Variants in B3GALNT2 observed in about 807,000 individuals in gnomAD.
B3GALNT2 encodes UDP-GalNAc:beta-1,3-N-acetylgalactosaminyltransferase 2.
In B3GALNT2, 53 loss-of-function variants were observed where a neutral mutation model predicts 61.1. That is an observed-to-expected ratio of 0.87 (90% CI 0.70 to 1.09). B3GALNT2 has a LOEUF of 1.09. B3GALNT2 is among the 50% of genes least tolerant of loss of function. The probability of loss-of-function intolerance (pLI) is 0.00; values close to 1 mark genes in which losing one functional copy is unlikely to be tolerated. For missense variants in B3GALNT2, 544 were observed against 623.0 expected (o/e 0.87, Z 1.35); for synonymous variants, 223 against 237.4 (o/e 0.94, Z 0.56).
At position 235,470,888 on chromosome 1, in the gene B3GALNT2, T is replaced by G; in HGVS notation, c.724A>C (p.Thr242Pro). Residue 242 changes from threonine (T) to proline (P), a missense_variant, in exon 6 of 12, where the codon ACA becomes CCA. By Grantham distance (38) the Thr-to-Pro change is conservative. Coordinates refer to ENST00000366600, the MANE Select transcript of B3GALNT2 (RefSeq NM_152490.5). ...GLVSRNLHKV[T>P]VNDGGGVLRV... ...AGAACTCCCCCTCCATCATTCACTG[T>G]CACTTTGTGGAGATTTCTTGACACA... 1 of 1,614,146 alleles carries G rather than the reference T, an allele frequency of 6.2e-7. No individual in the cohort carries two copies.
At chr1:235,466,868 T>C in intron 6 of B3GALNT2, among the ~76,000 whole-genome samples, 1 of 152,208 alleles carries the variant, frequency 6.6e-6, no homozygotes, top group East Asian at 1.9e-4. Flanking sequence ...GTGGGCTAGA[T>C]CAGACAGTTA....
At chr1:235,495,965 C>T (rs182386535) in intron 1 of B3GALNT2, among the ~76,000 whole-genome samples, 54 of 152,218 alleles carry the variant, frequency 3.5e-4, no homozygotes, top group African/African-American at 1.3e-3. Context: ...GGATATAATA[C>T]AGAAATTTTT....
At chr1:235,502,245 T>G (rs1288345969) in intron 1 of B3GALNT2, among the ~76,000 whole-genome samples, 1 of 152,216 alleles carries the variant, frequency 6.6e-6, no homozygotes, top group African/African-American at 2.4e-5. Context: ...ACTCCTGACC[T>G]CAGGTGATCC....
chr1:235,452,494 T>G (rs760598675), intron 11 of B3GALNT2: 2 of 152,224 alleles, frequency 1.3e-5, no homozygotes, highest in Non-Finnish European at 2.9e-5. Flanking sequence ...ACATTACAGG[T>G]TGAGCATTCC....
intron 1 of B3GALNT2, among the ~76,000 whole-genome samples, chr1:235,499,398 T>C (rs1313335765): frequency 6.6e-6 from 1 of 152,170 alleles, no homozygotes; most frequent in African/African-American, 2.4e-5. Context: ...TTTGTGAAAA[T>C]ACATCAAACT....
chr1:235,489,564 A>G (rs1172182885), intron 2 of B3GALNT2, among the ~76,000 whole-genome samples: 2 of 152,238 alleles, frequency 1.3e-5, no homozygotes, highest in African/African-American at 2.4e-5. Flanking sequence ...TAGTAAAGTC[A>G]GTTCTCATGC....
intron 7 of B3GALNT2, chr1:235,464,435 T>G: frequency 9.9e-6 from 1 of 100,678 alleles, no homozygotes; most frequent in African/African-American, 3.8e-5. Context: ...CCTCCACCCC[T>G]CCCTCCCTCA....
At chr1:235,475,972 G>A (rs1684258308) in intron 5 of B3GALNT2, among the ~76,000 whole-genome samples, 1 of 152,074 alleles carries the variant, frequency 6.6e-6, no homozygotes, top group South Asian at 2.1e-4. Context: ...GGATAAGCCT[G>A]AGACACCACA....
chr1:235,448,711 A>T lies in B3GALNT2; in HGVS notation c.*1495T>A. 1 of 1,614,196 alleles carries T rather than the reference A, an allele frequency of 6.2e-7. No individual in the cohort carries two copies. Among genetic ancestry groups the T allele is most frequent in the Non-Finnish European group, 8.5e-7 (1 of 1,180,016 alleles). On this transcript the variant is annotated 3_prime_UTR_variant, in exon 12 of 12. Coordinates refer to ENST00000366600, the MANE Select transcript of B3GALNT2 (RefSeq NM_152490.5). ...TCGAGCTGGAAAATGACCTAAAGTC[A>T]TTACAGTTTTATTCTGTGGAAAATG...
chr1:235,466,397 T>G (rs1683699720), intron 6 of B3GALNT2, among the ~76,000 whole-genome samples: 1 of 152,102 alleles, frequency 6.6e-6, no homozygotes, highest in Non-Finnish European at 1.5e-5. Flanking sequence ...AGGGTTTCAC[T>G]CTGATGCTCA....
At chr1:235,478,155 C>T (rs750744842) in intron 5 of B3GALNT2, among the ~76,000 whole-genome samples, 2 of 152,052 alleles carry the variant, frequency 1.3e-5, no homozygotes, top group Non-Finnish European at 2.9e-5. Context: ...CGGGTTCAAG[C>T]GATACTCCTG....
intron 6 of B3GALNT2, among the ~76,000 whole-genome samples, chr1:235,468,298 G>A (rs998461001): frequency 3.3e-5 from 5 of 152,154 alleles, no homozygotes; most frequent in South Asian, 2.1e-4. Flanking sequence ...GTTTCTTAGC[G>A]TAGGCTTTAA....
At chr1:235,484,920 A>G (rs1157235900) in intron 3 of B3GALNT2, among the ~76,000 whole-genome samples, 1 of 152,236 alleles carries the variant, frequency 6.6e-6, no homozygotes, top group Non-Finnish European at 1.5e-5. Context: ...CTTACTGTGC[A>G]AATTCCAAAA....
rs781339765 is a variant in B3GALNT2, at chr1:235,455,642, ATC to A, written c.1066_1067del (p.Asp356Ter). ...CTTCGAGGTCTATGTAACAGTCATC[ATC>A]TGTCTTCAGCAACAAATTGAAGCTC... The part of the protein sequence containing the change: ...TTSFNLLLKT[D>X]DDCYIDLEAV... On this transcript the variant is annotated frameshift_variant, in exon 9 of 12. Transcript: ENST00000366600. LOFTEE classifies it high-confidence loss of function. 3.7e-6 allele frequency: 6 copies of A among 1,605,478 alleles called. No individual in the cohort carries two copies. The highest frequency in any genetic ancestry group is 5.1e-6 in the Non-Finnish European group (6 of 1,172,206).
At chr1:235,454,710 G>A (rs929157630) in intron 9 of B3GALNT2, among the ~76,000 whole-genome samples, 1 of 152,156 alleles carries the variant, frequency 6.6e-6, no homozygotes, top group African/African-American at 2.4e-5. Context: ...AAAGTGCTGG[G>A]ATTACAGGCG....
chr1:235,450,573 G>GGAGA, intron 11 of B3GALNT2: 2 of 485,518 alleles, frequency 4.1e-6, no homozygotes, highest in Non-Finnish European at 7.4e-6. Context: ...GTGTGTGGAT[G>GGAGA]AAGAGTTAGT....
At chr1:235,502,952 G>A (rs1460354573) in intron 1 of B3GALNT2, among the ~76,000 whole-genome samples, 5 of 152,232 alleles carry the variant, frequency 3.3e-5, no homozygotes, top group African/African-American at 1.2e-4. Flanking sequence ...TAGCAACACT[G>A]TACTTTCATT....
chr1:235,481,507 C>G (rs145765653), intron 4 of B3GALNT2, among the ~76,000 whole-genome samples: 2 of 152,078 alleles, frequency 1.3e-5, no homozygotes, highest in African/African-American at 2.4e-5. Flanking sequence ...CCATGCCTGC[C>G]TATTTTCTTA....
chr1:235,440,041 G>C, the B3GALNT2 span, among the ~76,000 whole-genome samples: 3 of 152,030 alleles, frequency 2.0e-5, no homozygotes, highest in Non-Finnish European at 4.4e-5. Context: ...CGCGATCTCC[G>C]CTCACTGCAA....
Sources: allele counts gnomAD v4.1 joint callset (sites outside exome capture counted in the v4.1 genomes callset), GRCh38; gene constraint gnomAD v4.1.1; transcripts MANE v1.5; gene names NCBI Gene and HGNC (gene_info 2026-07-23, HGNC 2026-07-21).